Variants in AEN observed in about 807,000 individuals in gnomAD.
AEN encodes the protein apoptosis-enhancing nuclease.
A neutral mutation model predicts 17.7 loss-of-function variants in AEN; 21 were observed. The observed-to-expected ratio is 1.19, with a 90% confidence interval of 0.84 to 1.71. AEN has a LOEUF of 1.71. Ranked by LOEUF, AEN falls within the 40% of genes most tolerant of loss-of-function variation. The pLI is 0.00. For synonymous variants in AEN, 190 were observed against 173.0 expected (o/e 1.10, Z -0.77); for missense variants, 462 against 435.9 (o/e 1.06, Z -0.53).
At chr15:88,604,948 G>A in the AEN span, 1 of 152,276 alleles carries the variant, frequency 6.6e-6, no homozygotes, top group African/African-American at 2.4e-5. The surrounding 1 kb of genome is among the most constrained non-coding windows in gnomAD (Gnocchi z 8.1). Flanking sequence ...ACCCATGCCA[G>A]GTAAAAATCC....
chr15:88,624,883 C>CAAAAAAAAAAAAAAA (rs10701067), intron 1 of AEN, among the ~76,000 whole-genome samples: 2 of 148,670 alleles, frequency 1.3e-5, no homozygotes. Flanking sequence ...AACTCCGCCT[C>CAAAAAAAAAAAAAAA]AAAAAATGCC....
chr15:88,606,194 G>A, the AEN span, among the ~76,000 whole-genome samples: 2 of 152,120 alleles, frequency 1.3e-5, no homozygotes, highest in Non-Finnish European at 2.9e-5. Context: ...TTTAAATCCT[G>A]CGCTCCCCCG....
Position 88,630,804 on chromosome 15 carries a change from C to G in AEN, c.*510C>G, listed in dbSNP as rs891041947. 2 of 229,292 alleles carry G rather than the reference C, an allele frequency of 8.7e-6. No homozygotes were observed. The highest frequency in any genetic ancestry group is 1.8e-5 in the Non-Finnish European group (2 of 110,398). The allele number at this position is 229,292 out of a possible 1,614,324, so 14.2% of individuals were successfully genotyped here. ...ACCTCTTCCTCCACTCATTTGGGTTCAGAATAAACATGTCCTGAAGTTAAA... is the reference window on the plus strand; with the variant it reads ...ACCTCTTCCTCCACTCATTTGGGTTGAGAATAAACATGTCCTGAAGTTAAA... On this transcript the variant is annotated 3_prime_UTR_variant, in exon 4 of 4. Coordinates refer to ENST00000332810, the MANE Select transcript of AEN (RefSeq NM_022767.4). The surrounding 1 kb of genome is among the most constrained non-coding windows in gnomAD (Gnocchi z 5.1).
chr15:88,606,448 G>C, the AEN span, among the ~76,000 whole-genome samples: 1 of 152,188 alleles, frequency 6.6e-6, no homozygotes, highest in Non-Finnish European at 1.5e-5. Context: ...CTTTGTATGA[G>C]GAGCAAAGAT....
the AEN span, chr15:88,611,963 C>G: frequency 2.4e-5 from 11 of 466,012 alleles, no homozygotes; most frequent in South Asian, 1.8e-4. Context: ...GGGCAGCCCC[C>G]CTTTTTGGCT....
the AEN span, among the ~76,000 whole-genome samples, chr15:88,610,553 TCAGGCTGA>T: frequency 6.6e-6 from 1 of 152,066 alleles, no homozygotes; most frequent in African/African-American, 2.4e-5. Context: ...GTGCCCTGTC[TCAGGCTGA>T]CAGCTGGAAG....
In AEN at chr15:88,630,043, G is replaced by C; in HGVS notation, c.742-15G>C. ...CTAGGCCTGCAGGCAGTGATGTGTT[G>C]GCTCTCGTCAGTAGGTGGGCCAGCA... On this transcript the variant is annotated splice_polypyrimidine_tract_variant and intron_variant, in intron 3 of 3. Transcript: ENST00000332810. The surrounding 1 kb of genome is among the most constrained non-coding windows in gnomAD (Gnocchi z 5.1). 2 of 1,613,486 alleles carry C rather than the reference G, an allele frequency of 1.2e-6. No individual in the cohort carries two copies. The highest frequency in any genetic ancestry group is 2.7e-5 in the African/African-American group (2 of 75,036).
At chr15:88,604,976 C>T in the AEN span, 1 of 152,296 alleles carries the variant, frequency 6.6e-6, no homozygotes, top group Admixed American at 6.5e-5. The surrounding 1 kb of genome is among the most constrained non-coding windows in gnomAD (Gnocchi z 8.1). Flanking sequence ...GGTCCCCGGT[C>T]CCGTCCCCTC....
chr15:88,608,067 A>G, the AEN span: 2 of 509,014 alleles, frequency 3.9e-6, no homozygotes, highest in Non-Finnish European at 8.3e-6. Context: ...TTCTTTATGG[A>G]CAAAGGGTCT....
the AEN span, among the ~76,000 whole-genome samples, chr15:88,607,213 C>T: frequency 6.6e-6 from 1 of 152,230 alleles, no homozygotes; most frequent in South Asian, 2.1e-4. Flanking sequence ...GCATCACTCT[C>T]ATTTGATTCC....
At chr15:88,605,855 T>A in the AEN span, among the ~76,000 whole-genome samples, 1 of 152,208 alleles carries the variant, frequency 6.6e-6, no homozygotes, top group African/African-American at 2.4e-5. This position sits in a 1 kb window ranked among gnomAD's most constrained non-coding sequence, Gnocchi z 7.6. Flanking sequence ...AGGGTGCCCA[T>A]GGTCGGTGCC....
upstream of AEN, among the ~76,000 whole-genome samples, chr15:88,619,611 C>T (rs1001619604): frequency 7.9e-5 from 12 of 152,286 alleles, no homozygotes; most frequent in African/African-American, 2.9e-4. Context: ...TTACTTGAAC[C>T]CGGGAGGCAC....
Position 88,629,220 on chromosome 15 carries a change from TCA to T in AEN, c.541-3_541-2del, listed in dbSNP as rs780187754. ...TGACCTCCCTGACTCCTCTTTCTGC[TCA>T]CAGATCCTTAAGCTCCTGAAGGGCA... On this transcript the variant is annotated splice_region_variant and splice_polypyrimidine_tract_variant and intron_variant, in intron 2 of 3. Coordinates refer to ENST00000332810, the MANE Select transcript of AEN (RefSeq NM_022767.4). 25 of 1,613,658 alleles carry T rather than the reference TCA, an allele frequency of 1.5e-5. No homozygotes were observed. The highest frequency in any genetic ancestry group is 2.1e-5 in the Non-Finnish European group (25 of 1,179,810).
the AEN span, among the ~76,000 whole-genome samples, chr15:88,607,582 G>A: frequency 6.6e-6 from 1 of 152,184 alleles, no homozygotes; most frequent in Non-Finnish European, 1.5e-5. Flanking sequence ...AAAGAAGTTT[G>A]TTTTAAACTG....
In AEN at chr15:88,626,470, A is replaced by G; in HGVS notation, c.261A>G (p.Gly87=). ...GTGGGAAGCAGTGTCTGAGGGCTGGATCTGGCAGTGCCCCATGCAGCAGAA... is the reference window on the plus strand; with the variant it reads ...GTGGGAAGCAGTGTCTGAGGGCTGGGTCTGGCAGTGCCCCATGCAGCAGAA... ...ASSGKQCLRA[G]SGSAPCSRRP... The change falls in exon 2 of 4, where the codon GGA becomes GGG. Residue 87 remains glycine, a synonymous_variant. Coordinates refer to ENST00000332810, the MANE Select transcript of AEN (RefSeq NM_022767.4). 6.2e-7 allele frequency: 1 copy of G among 1,613,998 alleles called. No individual in the cohort carries two copies. Among genetic ancestry groups the G allele is most frequent in the East Asian group, 2.2e-5 (1 of 44,882 alleles).
intron 1 of AEN, among the ~76,000 whole-genome samples, chr15:88,622,134 C>T (rs1326875029): frequency 6.6e-6 from 1 of 152,176 alleles, no homozygotes; most frequent in Non-Finnish European, 1.5e-5. Flanking sequence ...AGGATTCTGA[C>T]TTCTTGGTTC....
chr15:88,607,662 G>C, the AEN span, among the ~76,000 whole-genome samples: 9 of 152,292 alleles, frequency 5.9e-5, no homozygotes, highest in South Asian at 8.3e-4. Context: ...ATCTTTATCT[G>C]TGATGCCCTG....
Position 88,630,629 on chromosome 15 carries a change from AC to A in AEN, c.*341del. 1 of 316,726 alleles carries A rather than the reference AC, an allele frequency of 3.2e-6. No individual in the cohort carries two copies. The highest frequency in any genetic ancestry group is 6.1e-6 in the Non-Finnish European group (1 of 164,176). 19.6% of individuals were successfully genotyped at this position (316,726 alleles called of 1,614,324 possible). On this transcript the variant is annotated 3_prime_UTR_variant, in exon 4 of 4. Coordinates refer to ENST00000332810, the MANE Select transcript of AEN (RefSeq NM_022767.4). This position sits in a 1 kb window ranked among gnomAD's most constrained non-coding sequence, Gnocchi z 5.1. ...TGCCCAGGTTGCCGTGGCCTTCCCC[AC>A]CCCCCAGATCTCCTGAGTCATCATG...
At chr15:88,606,383 G>A in the AEN span, among the ~76,000 whole-genome samples, 4 of 152,142 alleles carry the variant, frequency 2.6e-5, no homozygotes, top group Non-Finnish European at 2.9e-5. Flanking sequence ...GATGAAATCT[G>A]TTCAAAAAGA....
Sources: gnomAD v4.1 joint callset for allele counts (sites outside exome capture counted in the v4.1 genomes callset) on GRCh38, gnomAD v4.1.1 for gene constraint, Gnocchi (gnomAD v3.1) non-coding constraint, MANE v1.5 for transcripts, NCBI Gene and HGNC (gene_info 2026-07-23, HGNC 2026-07-21) for gene names.